PHF21B: variants seen among roughly 807,000 people sequenced by gnomAD.
PHF21B encodes PHD finger protein 4.
Under a neutral mutation model 62.2 loss-of-function variants are expected in PHF21B, and 22 were observed. That is an observed-to-expected ratio of 0.35 (90% CI 0.25 to 0.51). The LOEUF is 0.51. Among genes scored for constraint, PHF21B ranks in the 20% least tolerant of loss-of-function variants. The pLI, the probability that PHF21B is intolerant of heterozygous loss-of-function variation, is 0.97. For synonymous variants in PHF21B, 341 were observed against 314.7 expected, an observed-to-expected ratio of 1.08 and a Z score of -0.88; for missense variants, 701 against 707.9, an observed-to-expected ratio of 0.99 and a Z score of 0.11.
In PHF21B at chr22:44,930,067, G is replaced by A. The variant is rs907689439; in HGVS notation, c.121-9577C>T. ...CAGAGGGAAGAAACCAGACTTGCCC[G>A]GGTCACCAAGAGTGTGGAAGACACC... On this transcript the variant is annotated intron_variant, in intron 2 of 12. Transcript: ENST00000313237. 5.3e-5 allele frequency among the ~76,000 whole-genome samples: 8 copies of A among 152,164 alleles called. 1 individual carries two copies. In the East Asian group the frequency reaches 1.5e-3, roughly 29 times the overall value.
intron 2 of PHF21B, among the ~76,000 whole-genome samples, chr22:44,960,025 G>A (rs1004255503): frequency 1.3e-5 from 2 of 152,208 alleles, no homozygotes; most frequent in African/African-American, 2.4e-5. Flanking sequence ...CCTCAGCACC[G>A]GACGTGTCTC....
chr22:44,981,393 T>A (rs2072839671), intron 2 of PHF21B, among the ~76,000 whole-genome samples: 1 of 152,176 alleles, frequency 6.6e-6, no homozygotes, highest in Non-Finnish European at 1.5e-5. Flanking sequence ...ACTCACCAAG[T>A]TGGAGTTTAC....
chr22:44,945,514 G>A (rs538522682), intron 2 of PHF21B, among the ~76,000 whole-genome samples: 40 of 152,304 alleles, frequency 2.6e-4, no homozygotes, highest in Non-Finnish European at 4.9e-4. Context: ...TCCCAGCACA[G>A]TGCCCACACA....
At chr22:44,936,535 C>A (rs1405431634) in intron 2 of PHF21B, among the ~76,000 whole-genome samples, 2 of 152,206 alleles carry the variant, frequency 1.3e-5, no homozygotes, top group East Asian at 3.9e-4. Context: ...CCATCCGTTA[C>A]TGGTGAGCCC....
intron 2 of PHF21B, among the ~76,000 whole-genome samples, chr22:44,952,893 C>T (rs537316942): frequency 6.6e-6 from 1 of 152,290 alleles, no homozygotes; most frequent in South Asian, 2.1e-4. Context: ...GCCCCTGTGT[C>T]GGGCACCCTC....
At chr22:44,900,793 T>C (rs1283624231) in intron 5 of PHF21B, among the ~76,000 whole-genome samples, 1 of 151,994 alleles carries the variant, frequency 6.6e-6, no homozygotes, top group South Asian at 2.1e-4. Flanking sequence ...CTTTTTTTTT[T>C]TTTTTTTGGC....
chr22:44,908,933 G>A (rs1569220759), intron 5 of PHF21B, among the ~76,000 whole-genome samples: 1 of 152,176 alleles, frequency 6.6e-6, no homozygotes, highest in Non-Finnish European at 1.5e-5. Flanking sequence ...AAGTAGCTGG[G>A]ATTACAGCTG....
intron 8 of PHF21B, among the ~76,000 whole-genome samples, chr22:44,890,516 G>A (rs2070944375): frequency 6.6e-6 from 1 of 152,226 alleles, no homozygotes; most frequent in East Asian, 1.9e-4. Context: ...TGAGAAGCAG[G>A]TAGCTATGGG....
intron 3 of PHF21B, among the ~76,000 whole-genome samples, chr22:44,917,214 C>T (rs559825109): frequency 2.6e-5 from 4 of 152,352 alleles, no homozygotes; most frequent in African/African-American, 9.6e-5. Flanking sequence ...GGGCTCTGGA[C>T]AGACTGTTGG....
In PHF21B at chr22:44,883,222, C is replaced by T; in HGVS notation, c.1460G>A (p.Arg487Lys). ...SSLDRLRALL[R>K]LIQGEQLLQV... Reference sequence around the variant, plus strand: ...GAGCAGCTGCTCGCCCTGTATCAGTCTCAGGAGGGCCCGCAGGCGGTCCAG... The same window carrying T: ...GAGCAGCTGCTCGCCCTGTATCAGTTTCAGGAGGGCCCGCAGGCGGTCCAG... The change falls in exon 13 of 13, where the codon AGA becomes AAA. Residue 487 changes from arginine (R) to lysine (K), a missense_variant. Transcript: ENST00000313237. The T allele has an allele frequency of 6.2e-7, 1 of 1,613,936 alleles. No homozygotes were observed. The highest frequency in any genetic ancestry group is 8.5e-7 in the Non-Finnish European group (1 of 1,179,984).
intron 2 of PHF21B, among the ~76,000 whole-genome samples, chr22:44,986,521 CAAAAA>C (rs3063310): frequency 2.3e-5 from 2 of 85,834 alleles, no homozygotes; most frequent in African/African-American, 4.5e-5. Context: ...GATCTTATTT[CAAAAA>C]AAAAAAAAAA....
intron 5 of PHF21B, among the ~76,000 whole-genome samples, chr22:44,903,838 A>G (rs1249463795): frequency 6.6e-6 from 1 of 152,038 alleles, no homozygotes; most frequent in Admixed American, 6.6e-5. Flanking sequence ...GGTGTTGTTT[A>G]TTTAGGTATG....
chr22:44,934,923 G>A (rs889755217), intron 2 of PHF21B, among the ~76,000 whole-genome samples: 7 of 152,126 alleles, frequency 4.6e-5, no homozygotes, highest in African/African-American at 1.4e-4. Flanking sequence ...CCCAGCCCTC[G>A]CTGAGACCTT....
rs2070915207 is a variant in PHF21B at position 44,889,170 on chromosome 22, G to T, written c.1038+590C>A. On this transcript the variant is annotated intron_variant, in intron 9 of 12. Transcript: ENST00000313237. The stretch of plus-strand genomic sequence containing the variant: ...AGAATGTTCTTTTAGAATTAGATCA[G>T]AAATTCAGTGAAGAAAAACACTGAA... Among the ~76,000 whole-genome samples, 2 of 152,044 alleles carry T rather than the reference G, an allele frequency of 1.3e-5. 1 individual carries two copies. The highest frequency in any genetic ancestry group is 4.1e-4 in the South Asian group (2 of 4,834).
intron 2 of PHF21B, among the ~76,000 whole-genome samples, chr22:44,930,658 G>A (rs1266480389): frequency 1.3e-5 from 2 of 152,236 alleles, no homozygotes; most frequent in Non-Finnish European, 2.9e-5. Flanking sequence ...AAGGAGGAGA[G>A]GAGGGGCCTG....
intron 2 of PHF21B, among the ~76,000 whole-genome samples, chr22:44,939,525 G>A (rs1297784036): frequency 6.6e-6 from 1 of 152,234 alleles, no homozygotes; most frequent in African/African-American, 2.4e-5. Context: ...GGGGCTCAAC[G>A]CATCTGTGAG....
intron 2 of PHF21B, among the ~76,000 whole-genome samples, chr22:44,933,725 A>C (rs1372094002): frequency 1.9e-5 from 2 of 102,702 alleles, no homozygotes; most frequent in African/African-American, 6.8e-5. Flanking sequence ...TAAGAGAGAG[A>C]GAGAGAGAGA....
At chr22:44,951,234 C>T (rs1664644027) in intron 2 of PHF21B, among the ~76,000 whole-genome samples, 1 of 152,208 alleles carries the variant, frequency 6.6e-6, no homozygotes, top group Non-Finnish European at 1.5e-5. Context: ...GCATCACCGC[C>T]TCAGCTCCAC....
Position 44,975,391 on chromosome 22 carries a change from CCT to C in PHF21B, c.120+33152_120+33153del, listed in dbSNP as rs140970612. Among the ~76,000 whole-genome samples the C allele has an allele frequency of 4.0e-3, 605 of 152,188 alleles. 7 individuals carry two copies. Among genetic ancestry groups the C allele is most frequent in the Admixed American group, 0.029 (445 of 15,288 alleles). Reference sequence around the variant, plus strand: ...GTGTCTCACAGAGCCATAAGAGGCCCCTGTCCCTCCCCTCCCTCCAGCCAGCC... The same window carrying C: ...GTGTCTCACAGAGCCATAAGAGGCCCGTCCCTCCCCTCCCTCCAGCCAGCC... On this transcript the variant is annotated intron_variant, in intron 2 of 12. Coordinates refer to ENST00000313237, the MANE Select transcript of PHF21B (RefSeq NM_138415.5).
Sources: gnomAD v4.1 joint callset for allele counts (sites outside exome capture counted in the v4.1 genomes callset) on GRCh38, gnomAD v4.1.1 for gene constraint, MANE v1.5 for transcripts, NCBI Gene and HGNC (gene_info 2026-07-23, HGNC 2026-07-21) for gene names.